SUGCT: variants seen among roughly 807,000 people sequenced by gnomAD.
SUGCT encodes succinyl-CoA:glutarate-CoA transferase, also known as succinyl-CoA:glutarate CoA-transferase.
Under a neutral mutation model 55.0 loss-of-function variants are expected in SUGCT, and 41 were observed. The ratio of observed to expected loss-of-function variants is 0.74; its 90% CI spans 0.58 to 0.97. The LOEUF (loss-of-function observed/expected upper bound fraction) is 0.97. Among genes scored for constraint, SUGCT ranks in the 50% least tolerant of loss-of-function variants. The pLI is 0.00. For synonymous variants in SUGCT, 187 were observed against 200.4 expected (o/e 0.93, Z 0.56); for missense variants, 568 against 547.8 (o/e 1.04, Z -0.37).
intron 9 of SUGCT, among the ~76,000 whole-genome samples, chr7:40,362,503 G>T (rs1403159869): frequency 2.0e-5 from 3 of 152,090 alleles, no homozygotes; most frequent in African/African-American, 7.2e-5. Context: ...CCATCAACCT[G>T]CTGTGATTAA....
chr7:40,243,547 G>C (rs1365633591), intron 7 of SUGCT, among the ~76,000 whole-genome samples: 1 of 152,102 alleles, frequency 6.6e-6, no homozygotes, highest in African/African-American at 2.4e-5. Flanking sequence ...GAAAACTCAT[G>C]AGTTGGATGA....
chr7:40,387,720 G>A (rs907755201), intron 9 of SUGCT, among the ~76,000 whole-genome samples: 5 of 152,212 alleles, frequency 3.3e-5, no homozygotes, highest in South Asian at 2.1e-4. Context: ...AGGTACTGTC[G>A]AAAGGGATTA....
the SUGCT span, among the ~76,000 whole-genome samples, chr7:40,929,834 G>C: frequency 6.6e-6 from 1 of 152,236 alleles, no homozygotes; most frequent in East Asian, 1.9e-4. Flanking sequence ...TTTGTCAGAT[G>C]GGTAGATTGC....
At chr7:40,737,616 G>A (rs1308781792) in intron 12 of SUGCT, among the ~76,000 whole-genome samples, 2 of 152,160 alleles carry the variant, frequency 1.3e-5, no homozygotes, top group African/African-American at 2.4e-5. Flanking sequence ...AACCAAGAAA[G>A]TTTGAAAACA....
chr7:40,926,340 G>A, the SUGCT span, among the ~76,000 whole-genome samples: 2 of 151,928 alleles, frequency 1.3e-5, no homozygotes, highest in Non-Finnish European at 2.9e-5. Context: ...GTGTTATTCA[G>A]TGAAACATCC....
chr7:40,788,388 A>G (rs1051952119), intron 13 of SUGCT, among the ~76,000 whole-genome samples: 6 of 152,224 alleles, frequency 3.9e-5, no homozygotes, highest in Non-Finnish European at 8.8e-5. Flanking sequence ...AGAAAAATCA[A>G]TGGATGCCAA....
chr7:40,583,128 T>C (rs1047659771), intron 12 of SUGCT, among the ~76,000 whole-genome samples: 2 of 152,150 alleles, frequency 1.3e-5, no homozygotes, highest in African/African-American at 2.4e-5. Context: ...TGATTTCATT[T>C]TGAAATCAAC....
At chr7:40,960,572 G>A in the SUGCT span, among the ~76,000 whole-genome samples, 1 of 152,194 alleles carries the variant, frequency 6.6e-6, no homozygotes, top group Non-Finnish European at 1.5e-5. Context: ...TCTAAAAGAT[G>A]TTGTAGATTC....
chr7:40,883,190 T>A, the SUGCT span, among the ~76,000 whole-genome samples: 1 of 152,208 alleles, frequency 6.6e-6, no homozygotes, highest in Non-Finnish European at 1.5e-5. Context: ...ATTAGGTATC[T>A]GTCCAGCTCA....
chr7:40,582,613 C>CAGA (rs1797163961), intron 12 of SUGCT, among the ~76,000 whole-genome samples: 1 of 152,168 alleles, frequency 6.6e-6, no homozygotes. Context: ...TATGCTGGAG[C>CAGA]AGAAGTCCTC....
the SUGCT span, among the ~76,000 whole-genome samples, chr7:40,997,155 G>C: frequency 6.6e-6 from 1 of 152,116 alleles, no homozygotes; most frequent in Non-Finnish European, 1.5e-5. Context: ...TCAAACTCCA[G>C]GTCCTGAAGA....
intron 12 of SUGCT, among the ~76,000 whole-genome samples, chr7:40,739,721 G>T (rs764507124): frequency 6.6e-6 from 1 of 152,086 alleles, no homozygotes; most frequent in African/African-American, 2.4e-5. Flanking sequence ...ACATATTTGT[G>T]TGGATCTATT....
At chr7:40,846,096 G>A (rs1793541920) in intron 13 of SUGCT, among the ~76,000 whole-genome samples, 1 of 152,150 alleles carries the variant, frequency 6.6e-6, no homozygotes, top group Non-Finnish European at 1.5e-5. Flanking sequence ...AGAGGCAGAG[G>A]AGGTGAGGAG....
the SUGCT span, among the ~76,000 whole-genome samples, chr7:40,969,799 T>G: frequency 6.6e-6 from 1 of 152,370 alleles, no homozygotes; most frequent in South Asian, 2.1e-4. Flanking sequence ...GACATTTATT[T>G]CTGTCCTTGA....
intron 11 of SUGCT, among the ~76,000 whole-genome samples, chr7:40,471,800 GA>G (rs1041302852): frequency 1.3e-5 from 2 of 151,958 alleles, no homozygotes; most frequent in Admixed American, 1.3e-4. Context: ...TATAAGGTGG[GA>G]AATATATTTC....
At chr7:40,347,219 T>C (rs1201211434) in intron 9 of SUGCT, among the ~76,000 whole-genome samples, 1 of 152,212 alleles carries the variant, frequency 6.6e-6, no homozygotes, top group Non-Finnish European at 1.5e-5. Flanking sequence ...CTGGAGATTA[T>C]GCCTTCATTT....
the SUGCT span, among the ~76,000 whole-genome samples, chr7:40,930,456 A>G: frequency 1.1e-4 from 16 of 152,256 alleles, no homozygotes; most frequent in African/African-American, 3.9e-4. Flanking sequence ...AATTCTGTGA[A>G]GAAAGTCATT....
At chr7:40,185,678 AC>A (rs1216732408) in intron 3 of SUGCT, among the ~76,000 whole-genome samples, 3 of 151,862 alleles carry the variant, frequency 2.0e-5, no homozygotes, top group African/African-American at 7.3e-5. Context: ...ATATGCCATC[AC>A]CCCCGGCTAA....
chr7:40,781,658 A>G (rs1021333142), intron 13 of SUGCT, among the ~76,000 whole-genome samples: 80 of 152,326 alleles, frequency 5.3e-4, no homozygotes, highest in African/African-American at 1.9e-3. Context: ...TAAAAAGTTC[A>G]GGGGTCTACT....
Sources: allele counts gnomAD v4.1 joint callset (sites outside exome capture counted in the v4.1 genomes callset), GRCh38; gene constraint gnomAD v4.1.1; transcripts MANE v1.5; gene names NCBI Gene and HGNC (gene_info 2026-07-23, HGNC 2026-07-21).